The following ZC3H13 variants were observed in gnomAD, a reference collection of about 807,000 sequenced individuals.
The protein encoded by ZC3H13 is zinc finger CCCH-type containing 13, also known as zinc finger CCCH domain-containing protein 13.
A neutral mutation model predicts 204.1 loss-of-function variants in ZC3H13; 64 were observed. The observed-to-expected ratio is 0.31, with a 90% CI of 0.26 to 0.39. ZC3H13 has a LOEUF of 0.39. Among genes scored for constraint, ZC3H13 ranks in the 10% least tolerant of loss-of-function variants. The pLI, the probability that ZC3H13 is intolerant of heterozygous loss-of-function variation, is 1.00. For synonymous variants in ZC3H13, 667 were observed against 693.7 expected (o/e 0.96, Z 0.60); for missense variants, 1,833 against 2,082.7 (o/e 0.88, Z 2.33).
chr13:46,011,355 T>C, intron 6 of ZC3H13, 60 bp downstream of exon 6: 1 of 1,465,708 alleles, frequency 6.8e-7, no homozygotes, highest in African/African-American at 1.4e-5. Context: ...AGCTGAGTTA[T>C]CTGATCAATA....
intron 15 of ZC3H13, 57 bp downstream of exon 15, chr13:45,967,447 C>A: frequency 6.8e-7 from 1 of 1,477,662 alleles, no homozygotes; most frequent in Non-Finnish European, 9.0e-7. Context: ...ATAGTTGTTT[C>A]CCACGAAATC....
At position 45,985,520 on chromosome 13, in the gene ZC3H13, C is replaced by G; in HGVS notation, c.1497G>C (p.Arg499=). 1.2e-6 allele frequency: 2 copies of G among 1,614,178 alleles called. No homozygotes were observed. Among genetic ancestry groups the G allele is most frequent in the South Asian group, 2.2e-5 (2 of 91,074 alleles). ...TKESRDPRDS[R]STRDAHDYRD... ...TGTAGTCATGGGCATCACGAGTGGA[C>G]CGAGAATCTCTGGGATCACGGCTCT... The change falls in exon 10 of 19, where the codon CGG becomes CGC. Residue 499 remains arginine (R), a synonymous_variant. Transcript: ENST00000679008.
intron 13 of ZC3H13, 60 bp from the exon 14 acceptor site, chr13:45,970,031 T>C (rs1952456263): frequency 6.6e-7 from 1 of 1,511,666 alleles, no homozygotes; most frequent in Non-Finnish European, 8.8e-7. Context: ...GCATGGTACA[T>C]ATAGATTATA....
intron 7 of ZC3H13, among the ~76,000 whole-genome samples, chr13:46,008,356 A>G (rs2041302722): frequency 1.3e-5 from 2 of 151,966 alleles, no homozygotes. Context: ...ATACTCAATT[A>G]AATGTTTTCT....
At chr13:46,043,015 C>T (rs1048209305) in intron 3 of ZC3H13, among the ~76,000 whole-genome samples, 3 of 151,802 alleles carry the variant, frequency 2.0e-5, no homozygotes, top group African/African-American at 7.3e-5. Flanking sequence ...AGAAATTTGA[C>T]AGTATATGGC....
At position 45,963,044 on chromosome 13, in the gene ZC3H13, A is replaced by T. The variant is rs1020552677; in HGVS notation, c.4675+798T>A. The T allele has an allele frequency of 6.1e-6, 6 of 985,294 alleles. No individual in the cohort carries two copies. The African/African-American group carries it at 8.7e-5, about 14-fold the overall frequency. 61.0% of individuals were successfully genotyped at this position (985,294 alleles called of 1,614,324 possible). On this transcript the variant is annotated intron_variant, in intron 17 of 18. Coordinates refer to ENST00000679008, the MANE Select transcript of ZC3H13 (RefSeq NM_001330564.2). ...ATTTTCAAAGTAGCAGTTAATATTTATTGGGTATTACTATATGCCAGGAAC... is the reference window on the plus strand; with the variant it reads ...ATTTTCAAAGTAGCAGTTAATATTTTTTGGGTATTACTATATGCCAGGAAC...
rs1213249632 is a variant in ZC3H13, at chr13:45,998,704, A to C, written c.944+4435T>G. ...TTTTAAAATACTTTATTGTTAAAGAAATGCTAACACCCATCTAAGCCTTCA... is the reference window on the plus strand; with the variant it reads ...TTTTAAAATACTTTATTGTTAAAGACATGCTAACACCCATCTAAGCCTTCA... On this transcript the variant is annotated intron_variant, in intron 8 of 18. Coordinates refer to ENST00000679008, the MANE Select transcript of ZC3H13 (RefSeq NM_001330564.2). Among the ~76,000 whole-genome samples the C allele has an allele frequency of 2.6e-5, 4 of 152,208 alleles. No individual in the cohort carries two copies. In the East Asian group the frequency reaches 7.7e-4, roughly 29 times the overall value.
intron 9 of ZC3H13, among the ~76,000 whole-genome samples, chr13:45,986,654 T>C (rs577985731): frequency 1.3e-5 from 2 of 152,322 alleles, no homozygotes; most frequent in South Asian, 4.1e-4. Context: ...ACAAATCTGA[T>C]ATGAAGCCAA....
chr13:46,025,198 T>A (rs562772191), intron 4 of ZC3H13, among the ~76,000 whole-genome samples: 6 of 152,242 alleles, frequency 3.9e-5, no homozygotes, highest in Admixed American at 3.3e-4. Flanking sequence ...ATATTTATTA[T>A]ATTGACATCA....
At chr13:46,044,407 T>A (rs183759686) in intron 3 of ZC3H13, among the ~76,000 whole-genome samples, 1 of 152,048 alleles carries the variant, frequency 6.6e-6, no homozygotes, top group Admixed American at 6.5e-5. Context: ...GCAAGTTTAA[T>A]CTAGCCAAGC....
At chr13:46,052,312 A>G in intron 1 of ZC3H13, 92 bp downstream of exon 1, 1 of 383,838 alleles carries the variant, frequency 2.6e-6, no homozygotes, top group Non-Finnish European at 4.6e-6. Flanking sequence ...CAGTGACTCA[A>G]GCAAAGACGG....
At chr13:46,016,655 GT>G (rs1440500545) in intron 5 of ZC3H13, among the ~76,000 whole-genome samples, 1 of 152,100 alleles carries the variant, frequency 6.6e-6, no homozygotes, top group African/African-American at 2.4e-5. Context: ...GATTTGAGTG[GT>G]TTTACAAATG....
intron 14 of ZC3H13, 125 bp downstream of exon 14, chr13:45,968,623 A>AGC: frequency 7.7e-7 from 1 of 1,292,818 alleles, no homozygotes; most frequent in Non-Finnish European, 1.0e-6. Flanking sequence ...ACTTTTCTTT[A>AGC]AAAAGTTGCA....
chr13:46,013,625 AG>A (rs937641628), intron 5 of ZC3H13, among the ~76,000 whole-genome samples: 2 of 152,196 alleles, frequency 1.3e-5, no homozygotes, highest in African/African-American at 4.8e-5. Flanking sequence ...AAGAAAAAAC[AG>A]GAAGTACAAA....
chr13:45,990,879 C>A (rs1351414955), intron 8 of ZC3H13, among the ~76,000 whole-genome samples: 1 of 152,206 alleles, frequency 6.6e-6, no homozygotes, highest in Non-Finnish European at 1.5e-5. Context: ...TCATGGCTCA[C>A]TGCACTCTTG....
At position 46,010,413 on chromosome 13, in the gene ZC3H13, C is replaced by T. The variant is rs763754180; in HGVS notation, c.681G>A (p.Ser227=). 38 of 1,613,658 alleles carry T rather than the reference C, an allele frequency of 2.4e-5. No homozygotes were observed. Among genetic ancestry groups the T allele is most frequent in the Non-Finnish European group, 2.9e-5 (34 of 1,179,772 alleles). ...TCCTATCTTTCTTGCTAGCTGAAGA[C>T]GACTTCGGGCTTGATTTTCGCTTCG... ...KSPKRKSSPK[S]SSASKKDRKT... Residue 227 remains serine (S), a synonymous_variant, in exon 7 of 19, where the codon TCG becomes TCA. Transcript: ENST00000679008.
Position 45,975,172 on chromosome 13 carries a change from CA to C in ZC3H13, c.2468+110del, listed in dbSNP as rs1183919988. On this transcript the variant is annotated intron_variant, in intron 12 of 18. Transcript: ENST00000679008. ...TAAATTTGAAAAACAGGAAAATATA[CA>C]GAGAAAAAAAATTAACAGGAAATTA... 4 of 1,462,534 alleles carry C rather than the reference CA, an allele frequency of 2.7e-6. No individual in the cohort carries two copies. The East Asian group carries it at 9.5e-5, about 35-fold the overall frequency. 90.6% of individuals were successfully genotyped at this position (1,462,534 alleles called of 1,614,324 possible).
Position 45,989,086 on chromosome 13 carries a change from G to A in ZC3H13, c.956C>T (p.Pro319Leu). The change falls in exon 9 of 19, where the codon CCA becomes CTA. Residue 319 changes from proline to leucine, a missense_variant. Pro to Leu is a moderately conservative substitution (Grantham distance 98). Around this residue, in one of 5 missense-constraint regions of ZC3H13, gnomAD observed 1,574 missense variants for 1,757.2 expected, o/e 0.90. Coordinates refer to ENST00000679008, the MANE Select transcript of ZC3H13 (RefSeq NM_001330564.2). ...TATAGGAGAATGATGCTGTCCTGCTGGGGAAGTAGACCTACAAGGGAAAAC... is the reference window on the plus strand; with the variant it reads ...TATAGGAGAATGATGCTGTCCTGCTAGGGAAGTAGACCTACAAGGGAAAAC... ...EKRDKPRSTS[P>L]AGQHHSPISS... The A allele has an allele frequency of 6.2e-7, 1 of 1,613,140 alleles. No homozygotes were observed. Among genetic ancestry groups the A allele is most frequent in the Non-Finnish European group, 8.5e-7 (1 of 1,179,202 alleles).
At chr13:45,983,551 C>T (rs959994566) in intron 10 of ZC3H13, among the ~76,000 whole-genome samples, 9 of 146,766 alleles carry the variant, frequency 6.1e-5, no homozygotes, top group African/African-American at 2.0e-4. Flanking sequence ...CTCAGCCTCC[C>T]GAGTAGCTGG....
Sources: gnomAD v4.1 joint callset for allele counts (sites outside exome capture counted in the v4.1 genomes callset) on GRCh38, gnomAD v4.1.1 for gene constraint, gnomAD v4.1.1 regional missense constraint, MANE v1.5 for transcripts, NCBI Gene and HGNC (gene_info 2026-07-23, HGNC 2026-07-21) for gene names.